WDR64: variants seen among roughly 807,000 people sequenced by gnomAD.
WDR64 encodes WD repeat-containing protein 64.
Under a neutral mutation model 139.3 loss-of-function variants are expected in WDR64, and 112 were observed. The observed-to-expected ratio is 0.80, with a 90% CI of 0.69 to 0.94. The LOEUF is 0.94. Among genes scored for constraint, WDR64 ranks in the 40% least tolerant of loss-of-function variants. The pLI, the probability that WDR64 is intolerant of heterozygous loss-of-function variation, is 0.00. For synonymous variants in WDR64, 444 were observed against 437.7 expected (o/e 1.01, Z -0.18); for missense variants, 1,206 against 1,293.1 (o/e 0.93, Z 1.03).
At chr1:241,722,660 T>G (rs900451409) in intron 9 of WDR64, among the ~76,000 whole-genome samples, 1 of 152,200 alleles carries the variant, frequency 6.6e-6, no homozygotes, top group African/African-American at 2.4e-5. Context: ...ATATCTAATT[T>G]ATATTTTTAA....
At chr1:241,716,892 T>G (rs1668425285) in intron 9 of WDR64, among the ~76,000 whole-genome samples, 1 of 152,168 alleles carries the variant, frequency 6.6e-6, no homozygotes, top group South Asian at 2.1e-4. Flanking sequence ...AGCCATTAGT[T>G]TAAGAGGCCT....
intron 9 of WDR64, among the ~76,000 whole-genome samples, chr1:241,713,049 A>T (rs559555420): frequency 6.8e-6 from 1 of 147,924 alleles, no homozygotes; most frequent in Non-Finnish European, 1.5e-5. Flanking sequence ...GCTCGCACCA[A>T]TAATCCCGGC....
At chr1:241,709,250 T>G (rs2148167791) in intron 8 of WDR64, among the ~76,000 whole-genome samples, 1 of 152,358 alleles carries the variant, frequency 6.6e-6, no homozygotes, top group Non-Finnish European at 1.5e-5. Context: ...ATTTTGTGAC[T>G]GTGCTCTGAG....
intron 2 of WDR64, among the ~76,000 whole-genome samples, chr1:241,664,519 A>G (rs1167796230): frequency 6.6e-6 from 1 of 152,230 alleles, no homozygotes; most frequent in Non-Finnish European, 1.5e-5. Context: ...TGATAAATCC[A>G]TTTACATGGA....
intron 1 of WDR64, among the ~76,000 whole-genome samples, chr1:241,658,526 C>A (rs1015256211): frequency 2.0e-5 from 3 of 150,984 alleles, no homozygotes; most frequent in Middle Eastern, 3.4e-3. Flanking sequence ...GTAGTCCCAG[C>A]TACTTGGGGG....
intron 14 of WDR64, among the ~76,000 whole-genome samples, 158 bp from the exon 15 acceptor site, chr1:241,757,125 G>A (rs1035883541): frequency 6.6e-6 from 1 of 152,202 alleles, no homozygotes; most frequent in African/African-American, 2.4e-5. Flanking sequence ...AGGGAAGAAA[G>A]AGGAATTATA....
chr1:241,707,370 C>T (rs1476174947), intron 8 of WDR64, among the ~76,000 whole-genome samples: 2 of 152,206 alleles, frequency 1.3e-5, no homozygotes, highest in African/African-American at 4.8e-5. Flanking sequence ...TTAGAGTCAA[C>T]TGTCCTCTCT....
intron 7 of WDR64, among the ~76,000 whole-genome samples, chr1:241,686,272 G>C (rs534660520): frequency 2.6e-4 from 39 of 152,262 alleles, no homozygotes; most frequent in African/African-American, 9.1e-4. Context: ...GACATCCACA[G>C]AATTCATTCT....
intron 8 of WDR64, among the ~76,000 whole-genome samples, chr1:241,689,338 T>C (rs1396860393): frequency 6.6e-6 from 1 of 152,138 alleles, no homozygotes; most frequent in Non-Finnish European, 1.5e-5. Flanking sequence ...ATGCTGTCTA[T>C]GAGAAACACA....
At chr1:241,787,257 G>A (rs1472999018) in intron 23 of WDR64, among the ~76,000 whole-genome samples, 3 of 151,482 alleles carry the variant, frequency 2.0e-5, no homozygotes, top group East Asian at 1.9e-4. Flanking sequence ...CCAGCTACTC[G>A]GGAGGCTGAG....
chr1:241,727,276 G>A (rs1304273988), intron 10 of WDR64, among the ~76,000 whole-genome samples: 1 of 152,178 alleles, frequency 6.6e-6, no homozygotes, highest in African/African-American at 2.4e-5. Flanking sequence ...TTGAGACCTG[G>A]AGTCTCCTAC....
rs549251077 is a variant in WDR64, at chr1:241,703,172, C to T, written c.975-8630C>T. Among the ~76,000 whole-genome samples the T allele has an allele frequency of 7.2e-5, 11 of 152,272 alleles. No homozygotes were observed. The highest frequency in any genetic ancestry group is 1.2e-4 in the Non-Finnish European group (8 of 68,020). The stretch of plus-strand genomic sequence containing the variant: ...TCCCCACCAACTACCTCACCGTCAC[C>T]GGGAGAAAATATCGAGGGACTCTGC... On this transcript the variant is annotated intron_variant, in intron 8 of 27. Transcript: ENST00000437684. This position sits in a 1 kb window ranked among gnomAD's most constrained non-coding sequence, Gnocchi z 5.9.
chr1:241,739,702 A>G (rs7554579), intron 11 of WDR64, among the ~76,000 whole-genome samples: 22,792 of 152,188 alleles, frequency 0.15, 1,900 homozygotes, highest in African/African-American at 0.19. Context: ...AAAAAGAAAA[A>G]GAAGACAGAA....
chr1:241,760,869 C>T (rs1328830041), intron 15 of WDR64, among the ~76,000 whole-genome samples: 2 of 149,594 alleles, frequency 1.3e-5, no homozygotes, highest in Non-Finnish European at 3.0e-5. Flanking sequence ...GGGTTCATGC[C>T]ATTCTCCTGC....
intron 10 of WDR64, among the ~76,000 whole-genome samples, chr1:241,727,878 A>G (rs1212992060): frequency 6.6e-6 from 1 of 152,070 alleles, no homozygotes; most frequent in Non-Finnish European, 1.5e-5. Flanking sequence ...CATCTCTACA[A>G]AAACAAAGAA....
intron 23 of WDR64, 118 bp from the exon 24 acceptor site, chr1:241,787,731 C>A (rs1574097484): frequency 2.5e-6 from 2 of 801,492 alleles, no homozygotes; most frequent in Middle Eastern, 2.5e-4. Flanking sequence ...GGGTCTTGAA[C>A]CCAAGTAAAA....
At chr1:241,686,248 G>A (rs2148115212) in intron 7 of WDR64, among the ~76,000 whole-genome samples, 1 of 152,288 alleles carries the variant, frequency 6.6e-6, no homozygotes, top group Middle Eastern at 3.4e-3. Flanking sequence ...TATCATACAA[G>A]TTTTCCTGCA....
In WDR64 at chr1:241,771,580, T is replaced by C. The variant is rs1658432724; in HGVS notation, c.2254-81T>C. 4.8e-6 allele frequency: 5 copies of C among 1,044,868 alleles called. No individual in the cohort carries two copies. The South Asian group carries it at 1.2e-4, about 24-fold the overall frequency. The allele number at this position is 1,044,868 out of a possible 1,614,324, so 64.7% of individuals were successfully genotyped here. A position where few individuals can be genotyped will look rare whatever the true frequency, so the allele number is the denominator to read the frequency against. ...ATGCTTAGAAATGAAAATTCAACTA[T>C]CTGGAGAATTTAATCACCCAGTATA... On this transcript the variant is annotated intron_variant, in intron 18 of 27. Coordinates refer to ENST00000437684, the MANE Select transcript of WDR64 (RefSeq NM_001367482.1).
intron 10 of WDR64, among the ~76,000 whole-genome samples, chr1:241,735,886 T>TGC (rs1303680224): frequency 1.3e-5 from 2 of 150,612 alleles, no homozygotes; most frequent in Non-Finnish European, 3.0e-5. Context: ...TGTGTGTGTG[T>TGC]GTGTCTATAT....
Sources: allele counts gnomAD v4.1 joint callset (sites outside exome capture counted in the v4.1 genomes callset), GRCh38; gene constraint gnomAD v4.1.1; non-coding constraint Gnocchi (gnomAD v3.1); transcripts MANE v1.5; gene names NCBI Gene and HGNC (gene_info 2026-07-23, HGNC 2026-07-21).